ERC1: variants seen among roughly 807,000 people sequenced by gnomAD.
ERC1 encodes the protein ELKS/RAB6-interacting/CAST family member 1, also known as RAB6 interacting protein 2.
In ERC1, 56 loss-of-function variants were observed where a neutral mutation model predicts 132.0. That is an observed-to-expected ratio of 0.42 (90% confidence interval 0.34 to 0.53). The LOEUF is 0.53. ERC1 is among the 20% of genes least tolerant of loss of function. The probability of loss-of-function intolerance (pLI) is 0.03; values close to 1 mark genes in which losing one functional copy is unlikely to be tolerated. For missense variants in ERC1, 1,202 were observed against 1,349.9 expected, an observed-to-expected ratio of 0.89 and a Z score of 1.72; for synonymous variants, 478 against 476.1, an observed-to-expected ratio of 1.00 and a Z score of -0.05.
intron 8 of ERC1, among the ~76,000 whole-genome samples, chr12:1,166,148 A>C (rs1952405560): frequency 6.6e-6 from 1 of 152,184 alleles, no homozygotes; most frequent in Admixed American, 6.5e-5. Flanking sequence ...GTCCCCACCC[A>C]TATCTCATCT....
chr12:1,387,781 A>C (rs1218266077), intron 16 of ERC1, among the ~76,000 whole-genome samples: 1 of 152,208 alleles, frequency 6.6e-6, no homozygotes, highest in Non-Finnish European at 1.5e-5. Flanking sequence ...GTGAGAGAGT[A>C]AATTTATGTT....
chr12:1,204,356 G>A (rs1354279472), intron 12 of ERC1: 5 of 496,994 alleles, frequency 1.0e-5, no homozygotes, highest in African/African-American at 1.9e-5. Flanking sequence ...TTCTTTTTTA[G>A]TGACTGTATA....
At chr12:1,190,587 T>C (rs1437968333) in intron 12 of ERC1, among the ~76,000 whole-genome samples, 1 of 152,190 alleles carries the variant, frequency 6.6e-6, no homozygotes, top group East Asian at 1.9e-4. Context: ...GATATGTTTT[T>C]TTATGAAGCT....
intron 17 of ERC1, among the ~76,000 whole-genome samples, chr12:1,426,693 T>A (rs1468529853): frequency 6.6e-6 from 1 of 152,182 alleles, no homozygotes; most frequent in Non-Finnish European, 1.5e-5. Context: ...TGCATACTAT[T>A]GCAGATTTGA....
chr12:1,009,538 A>G (rs188659221), intron 1 of ERC1, among the ~76,000 whole-genome samples: 15 of 152,282 alleles, frequency 9.9e-5, no homozygotes, highest in South Asian at 2.1e-4. Context: ...GCCTAATACA[A>G]TCTTTCTCCT....
In ERC1 at chr12:1,214,665, T is replaced by TACACACAC. The variant is rs59137347; in HGVS notation, c.2352-22074_2352-22067dup. ...ACATAAATATGCGTGTGTGTATACA[T>TACACACAC]ACACACACACACACACACACACACA... On this transcript the variant is annotated intron_variant, in intron 12 of 18. Coordinates refer to ENST00000360905, the MANE Select transcript of ERC1 (RefSeq NM_178040.4). Among the ~76,000 whole-genome samples, 147 of 119,082 alleles carry TACACACAC rather than the reference T, an allele frequency of 1.2e-3. No individual in the cohort carries two copies. The Middle Eastern group carries it at 0.013, about 11-fold the overall frequency. 78.1% of individuals were successfully genotyped at this position (119,082 alleles called of 152,430 possible). A position where few individuals can be genotyped will look rare whatever the true frequency, so the allele number is the denominator to read the frequency against.
Position 1,460,981 on chromosome 12 carries a change from T to TC in ERC1, c.3213+16232dup, listed in dbSNP as rs1555111470. On this transcript the variant is annotated intron_variant, in intron 18 of 18. Transcript: ENST00000360905. Reference sequence around the variant, plus strand: ...CCCTTTTTTTTTTTTTTTTTTTTTTTCATTTTTCTAGTTCCACTTAGGATA... The same window carrying TC: ...CCCTTTTTTTTTTTTTTTTTTTTTTTCCATTTTTCTAGTTCCACTTAGGATA... Among the ~76,000 whole-genome samples the TC allele has an allele frequency of 6.4e-3, 880 of 137,792 alleles. 12 individuals carry two copies. Among genetic ancestry groups the TC allele is most frequent in the African/African-American group, 0.024 (829 of 34,630 alleles). The allele number at this position is 137,792 out of a possible 152,430, so 90.4% of individuals were successfully genotyped here.
At chr12:1,237,477 C>T (rs1186250191) in intron 13 of ERC1, among the ~76,000 whole-genome samples, 1 of 152,154 alleles carries the variant, frequency 6.6e-6, no homozygotes, top group Non-Finnish European at 1.5e-5. Flanking sequence ...TTAAACCAGG[C>T]TCAACAACAG....
intron 8 of ERC1, among the ~76,000 whole-genome samples, chr12:1,167,040 G>T (rs1030914284): frequency 1.3e-5 from 2 of 152,072 alleles, no homozygotes; most frequent in Admixed American, 6.5e-5. Context: ...TTGTTAATAC[G>T]CCACATTAAT....
intron 5 of ERC1, among the ~76,000 whole-genome samples, chr12:1,111,642 G>A (rs534489960): frequency 7.4e-5 from 11 of 147,822 alleles, no homozygotes; most frequent in African/African-American, 2.3e-4. Flanking sequence ...TTTTTGAGTC[G>A]GAGGTATGCT....
chr12:1,345,404 C>T (rs1325746322), intron 15 of ERC1, among the ~76,000 whole-genome samples: 2 of 152,038 alleles, frequency 1.3e-5, no homozygotes, highest in African/African-American at 2.4e-5. Context: ...AGGATGGTCT[C>T]AATCTCCTGA....
intron 7 of ERC1, among the ~76,000 whole-genome samples, chr12:1,120,284 T>C (rs1593428250): frequency 2.0e-5 from 3 of 152,180 alleles, no homozygotes; most frequent in Admixed American, 2.0e-4. Context: ...GGAGCCACTG[T>C]GTCCAGCCAT....
At chr12:1,135,698 G>A (rs1364764271) in intron 7 of ERC1, among the ~76,000 whole-genome samples, 1 of 152,200 alleles carries the variant, frequency 6.6e-6, no homozygotes, top group Non-Finnish European at 1.5e-5. Context: ...TTGGAGTGAT[G>A]CATCGTCTAC....
At chr12:1,126,789 A>T (rs1411856636) in intron 7 of ERC1, among the ~76,000 whole-genome samples, 1 of 152,126 alleles carries the variant, frequency 6.6e-6, no homozygotes, top group Non-Finnish European at 1.5e-5. Context: ...AGAGATCGAC[A>T]CCATTCTGGC....
At position 1,484,303 on chromosome 12, in the gene ERC1, C is replaced by CA. The variant is rs963378624; in HGVS notation, c.3214-5776dup. ...CTGGTGACAGAGCGAGACTCCGTCT[C>CA]AAAAAAAAAAAAAATTCTTTGTTCC... On this transcript the variant is annotated intron_variant, in intron 18 of 18. Coordinates refer to ENST00000360905, the MANE Select transcript of ERC1 (RefSeq NM_178040.4). Among the ~76,000 whole-genome samples, 137 of 131,602 alleles carry CA rather than the reference C, an allele frequency of 1.0e-3. 1 individual carries two copies. Among genetic ancestry groups the CA allele is most frequent in the Middle Eastern group, 8.0e-3 (2 of 250 alleles). 86.3% of individuals were successfully genotyped at this position (131,602 alleles called of 152,430 possible).
At chr12:1,478,648 C>T (rs2094022541) in intron 18 of ERC1, among the ~76,000 whole-genome samples, 1 of 152,100 alleles carries the variant, frequency 6.6e-6, no homozygotes, top group Admixed American at 6.6e-5. Flanking sequence ...AAAAAACTAG[C>T]CGGGCGTGGT....
At chr12:1,157,728 A>G (rs1023251198) in intron 8 of ERC1, among the ~76,000 whole-genome samples, 6 of 152,242 alleles carry the variant, frequency 3.9e-5, no homozygotes, top group African/African-American at 1.4e-4. Flanking sequence ...TCAGAAGTCA[A>G]GTGAAGAAAG....
chr12:1,201,427 G>T (rs1956905281), intron 12 of ERC1, among the ~76,000 whole-genome samples: 1 of 152,104 alleles, frequency 6.6e-6, no homozygotes, highest in African/African-American at 2.4e-5. Context: ...ATATTATTTT[G>T]TCATATATTT....
rs182088402 is a variant in ERC1 at position 1,348,192 on chromosome 12, T to C, written c.2781-23641T>C. Among the ~76,000 whole-genome samples, 275 of 152,302 alleles carry C rather than the reference T, an allele frequency of 1.8e-3. 1 individual carries two copies. Among genetic ancestry groups the C allele is most frequent in the African/African-American group, 4.6e-3 (192 of 41,562 alleles). On this transcript the variant is annotated intron_variant, in intron 15 of 18. Coordinates refer to ENST00000360905, the MANE Select transcript of ERC1 (RefSeq NM_178040.4). Reference sequence around the variant, plus strand: ...GATCTACCAGTGCCTCTTCCTGGTTTCGATTTCTTTCCTAGCAAAATACGG... The same window carrying C: ...GATCTACCAGTGCCTCTTCCTGGTTCCGATTTCTTTCCTAGCAAAATACGG...
Sources: gnomAD v4.1 joint callset for allele counts (sites outside exome capture counted in the v4.1 genomes callset) on GRCh38, gnomAD v4.1.1 for gene constraint, MANE v1.5 for transcripts, NCBI Gene and HGNC (gene_info 2026-07-23, HGNC 2026-07-21) for gene names.